Variants in PCDHA2 observed in about 807,000 individuals in gnomAD.
PCDHA2 encodes protocadherin alpha 2.
Under a neutral mutation model 66.0 loss-of-function variants are expected in PCDHA2, and 58 were observed. That is an observed-to-expected ratio of 0.88 (90% confidence interval 0.71 to 1.09). The LOEUF (loss-of-function observed/expected upper bound fraction) is 1.09. Among genes scored for constraint, PCDHA2 ranks in the 50% least tolerant of loss-of-function variants. The pLI is 0.00. For synonymous variants in PCDHA2, 634 were observed against 554.0 expected (o/e 1.14, Z -2.03); for missense variants, 1,267 against 1,242.3 (o/e 1.02, Z -0.30).
Position 140,968,579 on chromosome 5 carries a change from A to G in PCDHA2, c.2389-10370A>G, listed in dbSNP as rs1554230883. On this transcript the variant is annotated intron_variant, in intron 1 of 3. Coordinates refer to ENST00000526136, the MANE Select transcript of PCDHA2 (RefSeq NM_018905.3). ...AACTGCCCCTGCTGGCTACCTGGTCACCAAAGTCATAGCTATGGACTCAGA... is the reference window on the plus strand; with the variant it reads ...AACTGCCCCTGCTGGCTACCTGGTCGCCAAAGTCATAGCTATGGACTCAGA... 6 of 1,614,182 alleles carry G rather than the reference A, an allele frequency of 3.7e-6. No homozygotes were observed. The highest frequency in any genetic ancestry group is 5.1e-6 in the Non-Finnish European group (6 of 1,180,042).
chr5:140,839,348 C>T (rs1169495431), intron 1 of PCDHA2, among the ~76,000 whole-genome samples: 2 of 148,576 alleles, frequency 1.3e-5, no homozygotes, highest in African/African-American at 2.5e-5. Flanking sequence ...AGGGGATCCT[C>T]CTTAGCCACC....
chr5:140,857,341 G>T (rs782659858), intron 1 of PCDHA2: 1 of 1,598,438 alleles, frequency 6.3e-7, no homozygotes, highest in South Asian at 1.1e-5. Flanking sequence ...ACGGGGGCTC[G>T]CCTCCGCTGT....
At chr5:140,909,472 G>A (rs2074524054) in intron 1 of PCDHA2, among the ~76,000 whole-genome samples, 1 of 152,168 alleles carries the variant, frequency 6.6e-6, no homozygotes, top group South Asian at 2.1e-4. Context: ...CTTCTTCACA[G>A]GCTAAATAGG....
chr5:140,852,573 G>A, intron 1 of PCDHA2: 2 of 794,360 alleles, frequency 2.5e-6, no homozygotes, highest in Non-Finnish European at 3.1e-6. Flanking sequence ...ACTGTGCCAA[G>A]GCTTTTTTAT....
At chr5:140,915,264 G>A (rs536821921) in intron 1 of PCDHA2, among the ~76,000 whole-genome samples, 9 of 151,876 alleles carry the variant, frequency 5.9e-5, no homozygotes, top group Non-Finnish European at 1.3e-4. Context: ...TATTATTTTT[G>A]ACCAGTTCAT....
At chr5:140,892,086 C>T (rs965682257) in intron 1 of PCDHA2, among the ~76,000 whole-genome samples, 1 of 152,156 alleles carries the variant, frequency 6.6e-6, no homozygotes, top group Non-Finnish European at 1.5e-5. Context: ...CTAGTTTCCT[C>T]TCGAAACTTT....
intron 1 of PCDHA2, among the ~76,000 whole-genome samples, chr5:140,934,050 C>G (rs558726288): frequency 6.6e-6 from 1 of 151,834 alleles, no homozygotes; most frequent in African/African-American, 2.4e-5. Flanking sequence ...TTAGTCTTTC[C>G]AAGGCTAACT....
intron 1 of PCDHA2, chr5:140,809,259 C>T: frequency 6.2e-7 from 1 of 1,614,090 alleles, no homozygotes; most frequent in Non-Finnish European, 8.5e-7. Context: ...GGTCCCGATG[C>T]TGCGCTGGTG....
In PCDHA2 at chr5:140,849,836, C is replaced by T. The variant is rs2150452657; in HGVS notation, c.2388+52484C>T. 6 of 1,598,428 alleles carry T rather than the reference C, an allele frequency of 3.8e-6. 1 individual carries two copies. The Admixed American group carries it at 5.1e-5, about 13-fold the overall frequency. On this transcript the variant is annotated intron_variant, in intron 1 of 3. Coordinates refer to ENST00000526136, the MANE Select transcript of PCDHA2 (RefSeq NM_018905.3). Reference sequence around the variant, plus strand: ...CCAGGGTGTCTGTGGAGGTGGCCGACGTGAACGACAACGCACCAGCGTTCG... The same window carrying T: ...CCAGGGTGTCTGTGGAGGTGGCCGATGTGAACGACAACGCACCAGCGTTCG...
intron 1 of PCDHA2, chr5:140,823,744 C>A (rs2150128699): frequency 1.2e-6 from 2 of 1,613,854 alleles, no homozygotes; most frequent in Non-Finnish European, 1.7e-6. Context: ...TGGAGAGCCC[C>A]CGCTGACAGC....
chr5:140,843,424 C>A (rs1266105482), intron 1 of PCDHA2: 2 of 1,596,008 alleles, frequency 1.3e-6, no homozygotes, highest in Non-Finnish European at 1.7e-6. Flanking sequence ...TGTACCTGAT[C>A]ATCGCCATCT....
intron 1 of PCDHA2, among the ~76,000 whole-genome samples, chr5:140,845,317 T>C (rs1779816111): frequency 6.7e-6 from 1 of 149,682 alleles, no homozygotes; most frequent in Non-Finnish European, 1.5e-5. Context: ...TCTCAGGTAT[T>C]ACTTTAATTA....
intron 1 of PCDHA2, chr5:140,849,988 G>A (rs2150461736): frequency 1.8e-5 from 29 of 1,597,364 alleles, no homozygotes; most frequent in African/African-American, 4.0e-5. Flanking sequence ...GTGGAGCGGC[G>A]GTTGGGCGAG....
At chr5:140,828,815 T>C (rs2150159326) in intron 1 of PCDHA2, 1 of 1,614,204 alleles carries the variant, frequency 6.2e-7, no homozygotes, top group South Asian at 1.1e-5. Context: ...TGCTCCCACT[T>C]TCGAACAGTC....
intron 1 of PCDHA2, among the ~76,000 whole-genome samples, chr5:140,906,332 T>C (rs2072570393): frequency 6.6e-6 from 1 of 152,186 alleles, no homozygotes; most frequent in Non-Finnish European, 1.5e-5. Context: ...CAACTATCCT[T>C]CATACAACCA....
At chr5:140,822,419 A>T (rs2150116239) in intron 1 of PCDHA2, 14 of 1,614,096 alleles carry the variant, frequency 8.7e-6, no homozygotes, top group East Asian at 2.2e-5. Flanking sequence ...ATTGCAACTG[A>T]TGGAGGAAAA....
intron 1 of PCDHA2, chr5:140,852,574 G>T (rs1056497020): frequency 3.8e-6 from 3 of 793,008 alleles, no homozygotes; most frequent in Non-Finnish European, 4.7e-6. Context: ...CTGTGCCAAG[G>T]CTTTTTTATT....
chr5:140,941,202 C>CCTTTTCTTCCTTTCTTT (rs2092814043), intron 1 of PCDHA2, among the ~76,000 whole-genome samples: 1 of 122,742 alleles, frequency 8.1e-6, no homozygotes, highest in Non-Finnish European at 1.8e-5. Flanking sequence ...TTTCTTTCTT[C>CCTTTTCTTCCTTTCTTT]CTTTCTTTCT....
chr5:140,869,205 C>T (rs782278064), intron 1 of PCDHA2: 1 of 1,613,994 alleles, frequency 6.2e-7, no homozygotes, highest in Non-Finnish European at 8.5e-7. Flanking sequence ...TCCACTACTC[C>T]GTCTCGGAGG....
Sources: gnomAD v4.1 joint callset for allele counts (sites outside exome capture counted in the v4.1 genomes callset) on GRCh38, gnomAD v4.1.1 for gene constraint, MANE v1.5 for transcripts, NCBI Gene and HGNC (gene_info 2026-07-23, HGNC 2026-07-21) for gene names.